The following LRRC49 variants were observed in gnomAD, a reference collection of about 807,000 sequenced individuals.
LRRC49 encodes the protein leucine-rich repeat-containing protein 49.
Under a neutral mutation model 83.3 loss-of-function variants are expected in LRRC49, and 50 were observed. That is an observed-to-expected ratio of 0.60 (90% CI 0.48 to 0.76). The LOEUF is 0.76. Ranked by LOEUF, LRRC49 falls within the 30% of genes least tolerant of loss-of-function variation. The pLI, the probability that LRRC49 is intolerant of heterozygous loss-of-function variation, is 0.00. For synonymous variants in LRRC49, 286 were observed against 283.3 expected (o/e 1.01, Z -0.10); for missense variants, 704 against 809.1 (o/e 0.87, Z 1.58).
At chr15:70,889,937 C>A (rs551768572), upstream of LRRC49, among the ~76,000 whole-genome samples, 7 of 152,320 alleles carry the variant, frequency 4.6e-5, no homozygotes, top group African/African-American at 1.7e-4. Flanking sequence ...AACTCAAAAT[C>A]TTTTTAACCT....
At chr15:70,884,836 C>T (rs930377218) in intron 2 of LRRC49, among the ~76,000 whole-genome samples, 3 of 151,944 alleles carry the variant, frequency 2.0e-5, no homozygotes, top group African/African-American at 4.8e-5. Flanking sequence ...TTGCACCATA[C>T]AGAGAAGCAA....
chr15:70,916,864 C>G (rs2034798171), intron 6 of LRRC49, among the ~76,000 whole-genome samples: 1 of 152,186 alleles, frequency 6.6e-6, no homozygotes, highest in Non-Finnish European at 1.5e-5. Flanking sequence ...ACAGCTGCAG[C>G]CTCCCAAACT....
chr15:70,892,169 C>A (rs560972205), upstream of LRRC49: 3 of 1,611,928 alleles, frequency 1.9e-6, no homozygotes, highest in Non-Finnish European at 2.5e-6. Flanking sequence ...CCGCACGAAG[C>A]GGTCCCAGAG....
upstream of LRRC49, chr15:70,892,290 C>T (rs552409360): frequency 4.6e-5 from 71 of 1,552,802 alleles, no homozygotes; most frequent in Middle Eastern, 3.4e-4. Flanking sequence ...GTCTTCGGTG[C>T]GCGGGAGCCG....
intron 13 of LRRC49, among the ~76,000 whole-genome samples, chr15:71,011,149 A>G (rs985219621): frequency 2.0e-5 from 3 of 152,114 alleles, no homozygotes; most frequent in South Asian, 2.1e-4. Context: ...GGGTTGGCTC[A>G]GTCTTGTGTA....
rs963695035 is a variant in LRRC49 at position 70,936,575 on chromosome 15, A to G, written c.712-186A>G. On this transcript the variant is annotated intron_variant, in intron 7 of 15. Coordinates refer to ENST00000260382, the MANE Select transcript of LRRC49 (RefSeq NM_017691.5). The stretch of plus-strand genomic sequence containing the variant: ...GCGAGTGGTGCAGCTTGTTCTGCGG[A>G]TGTACTGAAACCCTCCCATTTAATC... The G allele has an allele frequency of 9.2e-6, 5 of 545,056 alleles. No individual in the cohort carries two copies. The African/African-American group carries it at 9.4e-5, about 10-fold the overall frequency. 33.8% of individuals were successfully genotyped at this position (545,056 alleles called of 1,614,324 possible). A position where few individuals can be genotyped will look rare whatever the true frequency, so the allele number is the denominator to read the frequency against.
intron 5 of LRRC49, among the ~76,000 whole-genome samples, chr15:70,905,766 GTC>G (rs2034279774): frequency 6.6e-6 from 1 of 152,136 alleles, no homozygotes; most frequent in African/African-American, 2.4e-5. Context: ...TCTTCTTGGT[GTC>G]TCTGTGTCTT....
At chr15:70,871,872 C>T (rs1567031414) in intron 1 of LRRC49, among the ~76,000 whole-genome samples, 1 of 150,496 alleles carries the variant, frequency 6.6e-6, no homozygotes, top group Admixed American at 6.6e-5. Flanking sequence ...ACTTCCTAGA[C>T]GGGATGGTGG....
chr15:70,861,709 TG>T (rs1307809573), intron 1 of LRRC49, among the ~76,000 whole-genome samples: 1 of 152,236 alleles, frequency 6.6e-6, no homozygotes, highest in Non-Finnish European at 1.5e-5. Context: ...CTGCCATTTA[TG>T]TCTTGTGGAG....
chr15:71,005,112 T>C (rs1254905731), intron 11 of LRRC49, among the ~76,000 whole-genome samples: 1 of 152,196 alleles, frequency 6.6e-6, no homozygotes, highest in Admixed American at 6.5e-5. Context: ...TACAAAATAA[T>C]GTCTGTGTCA....
chr15:70,897,977 T>C (rs2033906765), intron 3 of LRRC49, among the ~76,000 whole-genome samples: 1 of 152,190 alleles, frequency 6.6e-6, no homozygotes, highest in African/African-American at 2.4e-5. Flanking sequence ...AAGATAATGA[T>C]AAATCACTGA....
At chr15:70,882,505 T>C in intron 2 of LRRC49, 1 of 1,613,910 alleles carries the variant, frequency 6.2e-7, no homozygotes, top group South Asian at 1.1e-5. Context: ...AATCACTCTG[T>C]TCACTCTTGA....
intron 11 of LRRC49, among the ~76,000 whole-genome samples, chr15:71,001,941 T>G (rs2038272741): frequency 1.3e-5 from 2 of 152,170 alleles, no homozygotes. Flanking sequence ...TCCGCCCACC[T>G]CGGCCTCCCA....
intron 8 of LRRC49, among the ~76,000 whole-genome samples, chr15:70,945,961 A>G (rs2035993766): frequency 6.6e-6 from 1 of 152,186 alleles, no homozygotes; most frequent in Admixed American, 6.5e-5. Flanking sequence ...TTAAATCAAC[A>G]AATAAAAGTT....
At chr15:70,912,077 A>G (rs1011895176) in intron 6 of LRRC49, among the ~76,000 whole-genome samples, 27 of 152,144 alleles carry the variant, frequency 1.8e-4, no homozygotes, top group African/African-American at 6.5e-4. Context: ...AAAAAGGTAT[A>G]CTATATGTTG....
intron 11 of LRRC49, among the ~76,000 whole-genome samples, chr15:70,988,184 G>A (rs1365695730): frequency 6.6e-6 from 1 of 151,110 alleles, no homozygotes; most frequent in African/African-American, 2.4e-5. Flanking sequence ...CAATTCCTGG[G>A]TATCCTTGTT....
chr15:70,882,179 G>A (rs1408944742), intron 2 of LRRC49: 3 of 322,554 alleles, frequency 9.3e-6, no homozygotes, highest in African/African-American at 4.3e-5. Flanking sequence ...ATTAGGAAGT[G>A]TTGCTGATAT....
At chr15:70,965,823 A>C (rs956154705) in intron 9 of LRRC49, among the ~76,000 whole-genome samples, 2 of 151,868 alleles carry the variant, frequency 1.3e-5, no homozygotes, top group African/African-American at 2.4e-5. Flanking sequence ...TCATTCATTC[A>C]TATCTATATG....
At chr15:70,874,683 A>C (rs2033116340) in intron 2 of LRRC49, among the ~76,000 whole-genome samples, 1 of 152,230 alleles carries the variant, frequency 6.6e-6, no homozygotes, top group African/African-American at 2.4e-5. Context: ...TTTTCCAGCT[A>C]TAACACCTTC....
Sources: gnomAD v4.1 joint callset for allele counts (sites outside exome capture counted in the v4.1 genomes callset) on GRCh38, gnomAD v4.1.1 for gene constraint, MANE v1.5 for transcripts, NCBI Gene and HGNC (gene_info 2026-07-23, HGNC 2026-07-21) for gene names.